The following GSAP variants were observed in gnomAD, a reference collection of about 807,000 sequenced individuals.
The protein encoded by GSAP is gamma-secretase-activating protein.
In GSAP, 118 loss-of-function variants were observed where a neutral mutation model predicts 131.7. That is an observed-to-expected ratio of 0.90 (90% confidence interval 0.77 to 1.04). The LOEUF is 1.04. GSAP is among the 50% of genes least tolerant of loss of function. The pLI, the probability that GSAP is intolerant of heterozygous loss-of-function variation, is 0.00. For missense variants in GSAP, 1,019 were observed against 1,013.2 expected (o/e 1.01, Z -0.08); for synonymous variants, 381 against 363.4 (o/e 1.05, Z -0.55).
chr7:77,383,950 C>T (rs1198406524), intron 6 of GSAP, among the ~76,000 whole-genome samples: 2 of 152,104 alleles, frequency 1.3e-5, no homozygotes, highest in Non-Finnish European at 2.9e-5. Context: ...GTTGAGTTCC[C>T]TTTTAGAAAT....
chr7:77,375,239 G>A (rs569232920), intron 10 of GSAP, 138 bp from the exon 11 acceptor site: 1 of 524,682 alleles, frequency 1.9e-6, no homozygotes, highest in East Asian at 3.2e-5. Context: ...GTCTTCAGAG[G>A]TTATTATACT....
At chr7:77,354,017 G>C (rs751266282) in intron 16 of GSAP, among the ~76,000 whole-genome samples, 13 of 152,296 alleles carry the variant, frequency 8.5e-5, no homozygotes, top group Non-Finnish European at 1.5e-4. Flanking sequence ...AGCTGGGTGT[G>C]AATTCCAGCT....
chr7:77,331,741 C>T (rs1415654070), intron 19 of GSAP: 2 of 152,156 alleles, frequency 1.3e-5, no homozygotes, highest in African/African-American at 4.8e-5. Context: ...GACAGAAAAA[C>T]TCTTCCCAAG....
intron 8 of GSAP, chr7:77,379,722 T>C (rs915533164): frequency 1.2e-4 from 26 of 215,988 alleles, no homozygotes; most frequent in Admixed American, 4.6e-4. Flanking sequence ...TGATCTTTCC[T>C]CTTGGGCTTG....
chr7:77,354,846 TA>T (rs1793417375), intron 16 of GSAP, among the ~76,000 whole-genome samples: 1 of 152,240 alleles, frequency 6.6e-6, no homozygotes, highest in African/African-American at 2.4e-5. Flanking sequence ...ATTACAAATG[TA>T]ATAAATATCT....
At chr7:77,371,082 C>T (rs1023377042) in intron 12 of GSAP, among the ~76,000 whole-genome samples, 4 of 152,012 alleles carry the variant, frequency 2.6e-5, no homozygotes, top group African/African-American at 9.7e-5. Flanking sequence ...CTAAAAACTT[C>T]CAGATTTATT....
intron 1 of GSAP, among the ~76,000 whole-genome samples, chr7:77,410,861 G>A (rs1465545445): frequency 6.6e-6 from 1 of 151,852 alleles, no homozygotes; most frequent in Non-Finnish European, 1.5e-5. Flanking sequence ...TACATCAAGA[G>A]GTGACAAAAT....
chr7:77,387,047 T>C (rs1433466017), intron 6 of GSAP, among the ~76,000 whole-genome samples: 1 of 152,244 alleles, frequency 6.6e-6, no homozygotes, highest in African/African-American at 2.4e-5. Context: ...TAACCATAGA[T>C]ACTTAATCTG....
At chr7:77,388,452 C>T (rs1041430999) in intron 5 of GSAP, among the ~76,000 whole-genome samples, 4 of 152,172 alleles carry the variant, frequency 2.6e-5, no homozygotes, top group African/African-American at 9.7e-5. Context: ...TCTTCAGTGT[C>T]ACATCTGAGC....
Position 77,397,002 on chromosome 7 carries a change from T to C in GSAP, c.347A>G (p.Lys116Arg). 1 of 1,601,430 alleles carries C rather than the reference T, an allele frequency of 6.2e-7. No individual in the cohort carries two copies. The highest frequency in any genetic ancestry group is 1.1e-5 in the South Asian group (1 of 89,960). Residue 116 changes from lysine (K) to arginine (R), a missense_variant, in exon 5 of 31, where the codon AAA becomes AGA. Coordinates refer to ENST00000257626, the MANE Select transcript of GSAP (RefSeq NM_017439.4). ...ASLVQSTKEG[K>R]RNELQPGSKC... ...ATTACCTGGTTGAAGTTCGTTCCTT[T>C]TTCCTTCTTTAGTAGACTGAACTAA...
chr7:77,331,237 C>G (rs894055246), intron 19 of GSAP, among the ~76,000 whole-genome samples: 2 of 152,112 alleles, frequency 1.3e-5, no homozygotes, highest in African/African-American at 2.4e-5. Flanking sequence ...GGAAGTGGAG[C>G]TAGCAGTGAG....
At chr7:77,406,881 G>A (rs1427807817) in intron 1 of GSAP, among the ~76,000 whole-genome samples, 1 of 152,210 alleles carries the variant, frequency 6.6e-6, no homozygotes, top group Non-Finnish European at 1.5e-5. Flanking sequence ...AGTCTTCGAA[G>A]CTCCCCTCTC....
At chr7:77,327,532 G>A (rs1562908571) in intron 22 of GSAP, 1 of 152,278 alleles carries the variant, frequency 6.6e-6, no homozygotes, top group African/African-American at 2.4e-5. Flanking sequence ...ACTGTGCTGT[G>A]TGCACAGCTG....
intron 19 of GSAP, among the ~76,000 whole-genome samples, chr7:77,345,443 G>C (rs531015280): frequency 6.6e-6 from 1 of 152,248 alleles, no homozygotes; most frequent in Non-Finnish European, 1.5e-5. Context: ...AATATAAGAA[G>C]ACAGGACTAT....
rs1487362718 is a variant in GSAP at position 77,384,320 on chromosome 7, C to T, written c.457-1677G>A. Among the ~76,000 whole-genome samples the T allele has an allele frequency of 4.6e-4, 70 of 152,278 alleles. 1 individual carries two copies. The highest frequency in any genetic ancestry group is 4.4e-5 in the Non-Finnish European group (3 of 68,028). Reference sequence around the variant, plus strand: ...AAACCTCTGCCTGGTCTTCCTGTGACAATCAGGGAGAATGTTATTTTAAAA... The same window carrying T: ...AAACCTCTGCCTGGTCTTCCTGTGATAATCAGGGAGAATGTTATTTTAAAA... On this transcript the variant is annotated intron_variant, in intron 6 of 30. Coordinates refer to ENST00000257626, the MANE Select transcript of GSAP (RefSeq NM_017439.4).
At chr7:77,397,120 G>A in intron 4 of GSAP, 85 bp from the exon 5 acceptor site, 2 of 882,202 alleles carry the variant, frequency 2.3e-6, no homozygotes, top group Non-Finnish European at 3.6e-6. Flanking sequence ...TGAAATAGAT[G>A]AGGGCTCAAA....
At chr7:77,412,507 GACT>G (rs1803459037) in intron 1 of GSAP, among the ~76,000 whole-genome samples, 1 of 151,944 alleles carries the variant, frequency 6.6e-6, no homozygotes. Flanking sequence ...TCCTAATTTA[GACT>G]ACATTAAAAT....
In GSAP at chr7:77,390,111, C is replaced by T. The variant is rs571009197; in HGVS notation, c.368-2663G>A. Among the ~76,000 whole-genome samples, 35 of 152,248 alleles carry T rather than the reference C, an allele frequency of 2.3e-4. No individual in the cohort carries two copies. In the East Asian group the frequency reaches 2.5e-3, roughly 11 times the overall value. On this transcript the variant is annotated intron_variant, in intron 5 of 30. Transcript: ENST00000257626. ...TGAGAAAGTGTCTGTTCATATCCTT[C>T]GCCCACTTTTTGATGGGGTTGTTTG...
At chr7:77,383,375 C>T (rs962523098) in intron 6 of GSAP, among the ~76,000 whole-genome samples, 1 of 151,852 alleles carries the variant, frequency 6.6e-6, no homozygotes, top group Non-Finnish European at 1.5e-5. Flanking sequence ...GCAACTAAAC[C>T]TAGTATATAA....
Sources: gnomAD v4.1 joint callset for allele counts (sites outside exome capture counted in the v4.1 genomes callset) on GRCh38, gnomAD v4.1.1 for gene constraint, MANE v1.5 for transcripts, NCBI Gene and HGNC (gene_info 2026-07-23, HGNC 2026-07-21) for gene names.